The following COPB2 variants were observed in gnomAD, a reference collection of about 807,000 sequenced individuals.
COPB2 encodes the protein coat protein complex I subunit beta 2.
Under a neutral mutation model 120.8 loss-of-function variants are expected in COPB2, and 16 were observed. The observed-to-expected ratio is 0.13, with a 90% CI of 0.09 to 0.20. The LOEUF is 0.20. Ranked by LOEUF, COPB2 falls within the 10% of genes least tolerant of loss-of-function variation. The probability of loss-of-function intolerance (pLI) is 1.00; values close to 1 mark genes in which losing one functional copy is unlikely to be tolerated. For synonymous variants in COPB2, 332 were observed against 366.3 expected (o/e 0.91, Z 1.07); for missense variants, 794 against 1,076.5 (o/e 0.74, Z 3.67).
intron 1 of COPB2, among the ~76,000 whole-genome samples, chr3:139,386,496 C>T (rs1489102896): frequency 6.6e-6 from 1 of 152,148 alleles, no homozygotes; most frequent in Admixed American, 6.5e-5. Flanking sequence ...ACCTTGTGAT[C>T]CACCCACCTC....
At chr3:139,361,730 T>C (rs1284346055) in intron 16 of COPB2, among the ~76,000 whole-genome samples, 1 of 152,252 alleles carries the variant, frequency 6.6e-6, no homozygotes, top group Non-Finnish European at 1.5e-5. Flanking sequence ...TGCTGCATGT[T>C]TAGATGATCT....
intron 1 of COPB2, among the ~76,000 whole-genome samples, chr3:139,387,044 C>CAAAAA (rs538025993): frequency 8.2e-6 from 1 of 121,314 alleles, no homozygotes; most frequent in Non-Finnish European, 1.7e-5. Flanking sequence ...ACTAAAAATA[C>CAAAAA]AAAAAAAAAA....
intron 15 of COPB2, among the ~76,000 whole-genome samples, chr3:139,364,422 G>A (rs920066237): frequency 4.6e-5 from 7 of 152,162 alleles, no homozygotes; most frequent in Admixed American, 3.9e-4. Flanking sequence ...GGAGGAAAAA[G>A]TACAGAGTAT....
intron 10 of COPB2, 86 bp from the exon 11 acceptor site, chr3:139,369,630 T>C (rs1941586326): frequency 1.2e-6 from 1 of 835,112 alleles, no homozygotes; most frequent in African/African-American, 1.7e-5. Context: ...TCAAATATTT[T>C]TCAGTAATTA....
At chr3:139,377,016 T>C (rs1019151236) in intron 5 of COPB2, among the ~76,000 whole-genome samples, 1 of 152,202 alleles carries the variant, frequency 6.6e-6, no homozygotes. Context: ...CCCAAAGTGC[T>C]GGGATTACAG....
intron 17 of COPB2, among the ~76,000 whole-genome samples, chr3:139,360,054 T>C (rs949077131): frequency 6.6e-6 from 1 of 152,132 alleles, no homozygotes; most frequent in Non-Finnish European, 1.5e-5. Flanking sequence ...CAGTTATAAC[T>C]GTTTTCAGAA....
chr3:139,361,579 C>T (rs1286638153), intron 16 of COPB2, among the ~76,000 whole-genome samples: 2 of 152,184 alleles, frequency 1.3e-5, no homozygotes, highest in Non-Finnish European at 2.9e-5. Flanking sequence ...GTAAAACCAT[C>T]TCACTGGAGT....
intron 15 of COPB2, among the ~76,000 whole-genome samples, chr3:139,365,573 T>C (rs963093460): frequency 1.3e-5 from 2 of 151,956 alleles, no homozygotes; most frequent in Admixed American, 6.6e-5. Flanking sequence ...TAAGAAACAA[T>C]GGATCCAACA....
chr3:139,383,519 C>A lies in COPB2; in HGVS notation c.4-84G>T. 3.3e-6 allele frequency: 4 copies of A among 1,227,404 alleles called. No homozygotes were observed. In the East Asian group the frequency reaches 8.1e-5, roughly 25 times the overall value. 76.0% of individuals were successfully genotyped at this position (1,227,404 alleles called of 1,614,324 possible). A position where few individuals can be genotyped will look rare whatever the true frequency, so the allele number is the denominator to read the frequency against. ...TTAACTAAATAAGTGCATGAATAGGCCTACAAAACAATTCAGCTACTACTT... is the reference window on the plus strand; with the variant it reads ...TTAACTAAATAAGTGCATGAATAGGACTACAAAACAATTCAGCTACTACTT... On this transcript the variant is annotated intron_variant, in intron 1 of 21. Transcript: ENST00000333188.
rs1318945038 is a variant in COPB2 at position 139,363,160 on chromosome 3, A to T, written c.1885-643T>A. Among the ~76,000 whole-genome samples, 3 of 152,334 alleles carry T rather than the reference A, an allele frequency of 2.0e-5. No homozygotes were observed. In the East Asian group the frequency reaches 5.8e-4, roughly 29 times the overall value. Reference sequence around the variant, plus strand: ...CAGTTCCTCAGCAAGTATCCAAAAGACAGGAAGTCTAAAATTTCCTTCCCA... The same window carrying T: ...CAGTTCCTCAGCAAGTATCCAAAAGTCAGGAAGTCTAAAATTTCCTTCCCA... On this transcript the variant is annotated intron_variant, in intron 15 of 21. Transcript: ENST00000333188.
Position 139,373,237 on chromosome 3 carries a change from G to T in COPB2, c.1070C>A (p.Thr357Asn), listed in dbSNP as rs760407989. The T allele has an allele frequency of 1.8e-5, 29 of 1,613,954 alleles. No individual in the cohort carries two copies. The South Asian group carries it at 3.2e-4, about 18-fold the overall frequency. The change falls in exon 9 of 22, where the codon ACT becomes AAT. Residue 357 changes from threonine to asparagine, a missense_variant. Physicochemically the swap from Thr to Asn is moderately conservative, Grantham distance 65. This residue lies in a region of COPB2 where 610 missense variants were observed against 866.7 expected (regional missense o/e 0.70). Coordinates refer to ENST00000333188, the MANE Select transcript of COPB2 (RefSeq NM_004766.3). Reference sequence around the variant, plus strand: ...CCGCCCATTAGGATTGTGCTGAATAGTCTGAGGGTATATTTCACAACTGCC... The same window carrying T: ...CCGCCCATTAGGATTGTGCTGAATATTCTGAGGGTATATTTCACAACTGCC... ...DMGSCEIYPQ[T>N]IQHNPNGRFV...
chr3:139,358,015 T>C lies in COPB2; in HGVS notation c.2626-57A>G, dbSNP rs140981497. ...TTACAGTACTGTTAAAGGAAAGTTA[T>C]CCGTGGGTTCATGATTCAAAGTGAG... On this transcript the variant is annotated intron_variant, in intron 21 of 21. Transcript: ENST00000333188. The C allele has an allele frequency of 6.3e-5, 71 of 1,122,412 alleles. No homozygotes were observed. The African/African-American group carries it at 1.0e-3, about 16-fold the overall frequency. 69.5% of individuals were successfully genotyped at this position (1,122,412 alleles called of 1,614,324 possible). A position where few individuals can be genotyped will look rare whatever the true frequency, so the allele number is the denominator to read the frequency against.
At position 139,371,652 on chromosome 3, in the gene COPB2, TGA is replaced by T. The variant is rs1941625326; in HGVS notation, c.1205+69_1205+70del. 5 of 1,298,888 alleles carry T rather than the reference TGA, an allele frequency of 3.8e-6. No homozygotes were observed. In the African/African-American group the frequency reaches 5.8e-5, roughly 15 times the overall value. The allele number at this position is 1,298,888 out of a possible 1,614,324, so 80.5% of individuals were successfully genotyped here. On this transcript the variant is annotated intron_variant, in intron 10 of 21. Transcript: ENST00000333188. Reference sequence around the variant, plus strand: ...GAGAATCACAGCCCACATCAAGCCTTGAGAGTCTTCAAGCAGCACACAACACA... The same window carrying T: ...GAGAATCACAGCCCACATCAAGCCTTGAGTCTTCAAGCAGCACACAACACA...
At chr3:139,367,528 T>C (rs1329955771) in intron 13 of COPB2, among the ~76,000 whole-genome samples, 1 of 152,068 alleles carries the variant, frequency 6.6e-6, no homozygotes, top group East Asian at 1.9e-4. Flanking sequence ...CCTCAAGTGA[T>C]CTGCCCACCT....
intron 6 of COPB2, among the ~76,000 whole-genome samples, chr3:139,375,184 T>A (rs866566276): frequency 1.3e-5 from 2 of 152,196 alleles, no homozygotes; most frequent in African/African-American, 2.4e-5. Context: ...TGAATAGAAG[T>A]CTATCAATGA....
intron 15 of COPB2, among the ~76,000 whole-genome samples, 200 bp downstream of exon 15, chr3:139,366,368 A>AG (rs1416356029): frequency 6.6e-6 from 1 of 152,178 alleles, no homozygotes; most frequent in East Asian, 1.9e-4. Context: ...CAACATTTAA[A>AG]GGGGGCACTG....
intron 2 of COPB2, chr3:139,382,532 T>C (rs1941834314): frequency 6.6e-6 from 1 of 152,238 alleles, no homozygotes; most frequent in Admixed American, 6.5e-5. Flanking sequence ...TTCATTACAG[T>C]GAGTATAAAA....
chr3:139,385,686 C>G (rs1941907296), intron 1 of COPB2, among the ~76,000 whole-genome samples: 1 of 152,116 alleles, frequency 6.6e-6, no homozygotes, highest in South Asian at 2.1e-4. Context: ...ATAGTTTATA[C>G]TAGCATTTTC....
chr3:139,373,140 A>C, intron 9 of COPB2, 73 bp downstream of exon 9: 1 of 1,437,954 alleles, frequency 7.0e-7, no homozygotes, highest in South Asian at 1.1e-5. Context: ...CCACAGGGCA[A>C]GAGTGGACTG....
Sources: gnomAD v4.1 joint callset for allele counts (sites outside exome capture counted in the v4.1 genomes callset) on GRCh38, gnomAD v4.1.1 for gene constraint, gnomAD v4.1.1 regional missense constraint, MANE v1.5 for transcripts, NCBI Gene and HGNC (gene_info 2026-07-23, HGNC 2026-07-21) for gene names.